ERBB4: variants seen among roughly 807,000 people sequenced by gnomAD.
ERBB4 encodes receptor tyrosine-protein kinase erbB-4.
A neutral mutation model predicts 158.0 loss-of-function variants in ERBB4; 42 were observed. The ratio of observed to expected loss-of-function variants is 0.27; its 90% CI spans 0.21 to 0.34. ERBB4 has a LOEUF of 0.34. Among genes scored for constraint, ERBB4 ranks in the 10% least tolerant of loss-of-function variants. ERBB4 has a pLI of 1.00. For synonymous variants in ERBB4, 583 were observed against 558.7 expected (o/e 1.04, Z -0.61); for missense variants, 1,333 against 1,624.1 (o/e 0.82, Z 3.08).
At chr2:211,560,924 A>G (rs2067374736) in intron 20 of ERBB4, among the ~76,000 whole-genome samples, 1 of 152,096 alleles carries the variant, frequency 6.6e-6, no homozygotes, top group South Asian at 2.1e-4. Flanking sequence ...AAAGGCCAAA[A>G]CCACTATGTT....
intron 1 of ERBB4, among the ~76,000 whole-genome samples, chr2:212,406,342 C>T (rs189228866): frequency 5.3e-4 from 81 of 151,714 alleles, no homozygotes; most frequent in African/African-American, 1.9e-3. Context: ...AAGGAGACTA[C>T]AAAAATCGGT....
chr2:211,942,664 T>C (rs2080537150), intron 3 of ERBB4, among the ~76,000 whole-genome samples: 1 of 152,138 alleles, frequency 6.6e-6, no homozygotes, highest in Non-Finnish European at 1.5e-5. Context: ...CAAATCAAGA[T>C]GATCCAGTAC....
intron 25 of ERBB4, among the ~76,000 whole-genome samples, chr2:211,409,572 A>C (rs2063215767): frequency 6.6e-6 from 1 of 151,924 alleles, no homozygotes; most frequent in Non-Finnish European, 1.5e-5. Flanking sequence ...CTAATCATTA[A>C]CTCTTGATTA....
At chr2:211,586,848 G>GACTCACTTA (rs2068294556) in intron 19 of ERBB4, among the ~76,000 whole-genome samples, 1 of 152,122 alleles carries the variant, frequency 6.6e-6, no homozygotes, top group African/African-American at 2.4e-5. Flanking sequence ...ATCATTTCAA[G>GACTCACTTA]ACTCACTTAT....
chr2:212,304,939 T>C (rs1319859472), intron 1 of ERBB4, among the ~76,000 whole-genome samples: 1 of 151,094 alleles, frequency 6.6e-6, no homozygotes, highest in African/African-American at 2.4e-5. Flanking sequence ...TATGCGTACA[T>C]GTCTGTGTGT....
intron 1 of ERBB4, among the ~76,000 whole-genome samples, chr2:212,416,110 T>C (rs1366454261): frequency 2.0e-5 from 3 of 152,120 alleles, no homozygotes; most frequent in African/African-American, 4.8e-5. Context: ...TGACTCGCAT[T>C]TGTATTGCTA....
At chr2:211,821,439 T>C (rs977580419) in intron 3 of ERBB4, among the ~76,000 whole-genome samples, 26 of 151,880 alleles carry the variant, frequency 1.7e-4, no homozygotes, top group Non-Finnish European at 1.8e-4. Context: ...AAAATGACCA[T>C]ACTATCTAAA....
chr2:212,023,215 T>C (rs1370483521), intron 2 of ERBB4, among the ~76,000 whole-genome samples: 2 of 152,140 alleles, frequency 1.3e-5, no homozygotes, highest in Non-Finnish European at 2.9e-5. Flanking sequence ...GTTATATTTA[T>C]ATCTCAGCTT....
At chr2:211,657,059 A>T (rs2071242471) in intron 16 of ERBB4, among the ~76,000 whole-genome samples, 1 of 152,188 alleles carries the variant, frequency 6.6e-6, no homozygotes, top group South Asian at 2.1e-4. Flanking sequence ...ACCACTTAAA[A>T]ATAATATAAA....
chr2:211,891,679 AAG>A (rs2078972889), intron 3 of ERBB4, among the ~76,000 whole-genome samples: 1 of 130,300 alleles, frequency 7.7e-6, no homozygotes. Flanking sequence ...TAAAGAAAAA[AAG>A]AGAGAAGAAT....
rs1240295338 is a variant in ERBB4, at chr2:212,145,791, C to T, written c.83-20888G>A. ...TTCTGTTGTACTTTCTCATCCTTAT[C>T]GTCTTATTTTTTTCTCTTTGTCAAT... On this transcript the variant is annotated intron_variant, in intron 1 of 27. Coordinates refer to ENST00000342788, the MANE Select transcript of ERBB4 (RefSeq NM_005235.3). Among the ~76,000 whole-genome samples the T allele has an allele frequency of 4.7e-5, 7 of 147,534 alleles. No homozygotes were observed. The East Asian group carries it at 6.2e-4, about 13-fold the overall frequency.
chr2:211,743,819 C>A lies in ERBB4; in HGVS notation c.622+6820G>T, dbSNP rs977030505. On this transcript the variant is annotated intron_variant, in intron 5 of 27. Transcript: ENST00000342788. ...ATTTAACTGAGCTTAAAAGTACTTT[C>A]AAGTTTGAGTCACTGCTCCACATGT... Among the ~76,000 whole-genome samples the A allele has an allele frequency of 1.3e-4, 20 of 152,256 alleles. 1 individual carries two copies. Among genetic ancestry groups the A allele is most frequent in the Admixed American group, 1.2e-3 (18 of 15,290 alleles).
At chr2:212,471,098 T>C (rs1689094645) in intron 1 of ERBB4, among the ~76,000 whole-genome samples, 1 of 152,040 alleles carries the variant, frequency 6.6e-6, no homozygotes, top group South Asian at 2.1e-4. Context: ...GGGCAACTAC[T>C]TTGCCTTCAA....
intron 3 of ERBB4, among the ~76,000 whole-genome samples, chr2:211,865,971 C>T (rs976304211): frequency 2.6e-5 from 4 of 152,262 alleles, no homozygotes; most frequent in Non-Finnish European, 5.9e-5. Context: ...ATTAAATATA[C>T]ACTTATACTG....
intron 12 of ERBB4, among the ~76,000 whole-genome samples, chr2:211,684,577 T>C (rs1391522093): frequency 6.6e-6 from 1 of 152,248 alleles, no homozygotes; most frequent in East Asian, 1.9e-4. Flanking sequence ...TTGTTTGCTT[T>C]TGTCTCAGAG....
intron 1 of ERBB4, among the ~76,000 whole-genome samples, chr2:212,392,763 A>T (rs937037630): frequency 4.6e-5 from 7 of 152,002 alleles, no homozygotes; most frequent in African/African-American, 1.7e-4. Context: ...CTTGCATTAT[A>T]AGTGTTTTAT....
intron 7 of ERBB4, among the ~76,000 whole-genome samples, chr2:211,713,981 C>T (rs371787546): frequency 6.6e-5 from 10 of 152,188 alleles, no homozygotes; most frequent in Admixed American, 5.9e-4. Context: ...CATGACATGA[C>T]GCAAGTTTGA....
intron 3 of ERBB4, among the ~76,000 whole-genome samples, chr2:211,869,470 T>C (rs534296404): frequency 2.6e-5 from 4 of 152,214 alleles, no homozygotes; most frequent in Non-Finnish European, 4.4e-5. Context: ...ATAGTTGATA[T>C]AGCATTTTAT....
chr2:211,745,735 C>CCAA (rs2074950893), intron 5 of ERBB4, among the ~76,000 whole-genome samples: 5 of 139,628 alleles, frequency 3.6e-5, no homozygotes, highest in Non-Finnish European at 7.7e-5. Flanking sequence ...AAAAACAAAA[C>CCAA]AAAAAAAACC....
Sources: allele counts gnomAD v4.1 joint callset (sites outside exome capture counted in the v4.1 genomes callset), GRCh38; gene constraint gnomAD v4.1.1; transcripts MANE v1.5; gene names NCBI Gene and HGNC (gene_info 2026-07-23, HGNC 2026-07-21).